ITGA11: variants seen among roughly 807,000 people sequenced by gnomAD.
ITGA11 encodes the protein integrin alpha-11.
A neutral mutation model predicts 141.9 loss-of-function variants in ITGA11; 97 were observed. That is an observed-to-expected ratio of 0.68 (90% CI 0.58 to 0.81). The LOEUF (loss-of-function observed/expected upper bound fraction) is 0.81. Ranked by LOEUF, ITGA11 falls within the 30% of genes least tolerant of loss-of-function variation. The pLI is 0.00. For missense variants in ITGA11, 1,387 were observed against 1,559.2 expected (o/e 0.89, Z 1.86); for synonymous variants, 658 against 624.6 (o/e 1.05, Z -0.80).
Position 68,328,353 on chromosome 15 carries a change from G to A in ITGA11, c.1902-91C>T. 1 of 1,229,188 alleles carries A rather than the reference G, an allele frequency of 8.1e-7. No homozygotes were observed. The highest frequency in any genetic ancestry group is 1.1e-6 in the Non-Finnish European group (1 of 870,510). 76.1% of individuals were successfully genotyped at this position (1,229,188 alleles called of 1,614,324 possible). On this transcript the variant is annotated intron_variant, in intron 15 of 29. Coordinates refer to ENST00000315757, the MANE Select transcript of ITGA11 (RefSeq NM_001004439.2). The surrounding 1 kb of genome is among the most constrained non-coding windows in gnomAD (Gnocchi z 4.8). ...GGAAAGACAAGAACCAGATGCGAGT[G>A]GGATCTGCAAAGCCACTGGAGGGGG...
intron 2 of ITGA11, among the ~76,000 whole-genome samples, chr15:68,377,857 G>A (rs1170244334): frequency 6.6e-6 from 1 of 152,194 alleles, no homozygotes; most frequent in African/African-American, 2.4e-5. Context: ...CCTATGGGGT[G>A]AGGAGTCCTA....
At chr15:68,377,782 T>C (rs746091153) in intron 2 of ITGA11, among the ~76,000 whole-genome samples, 3 of 152,236 alleles carry the variant, frequency 2.0e-5, no homozygotes, top group South Asian at 2.1e-4. Context: ...AATGCCCCCG[T>C]TGGACTGTGT....
At chr15:68,394,753 T>C (rs1038633335) in intron 2 of ITGA11, among the ~76,000 whole-genome samples, 1 of 152,046 alleles carries the variant, frequency 6.6e-6, no homozygotes, top group African/African-American at 2.4e-5. Context: ...AGAGGATATA[T>C]AGATCTTATA....
chr15:68,368,501 G>C (rs1314751708), intron 3 of ITGA11, among the ~76,000 whole-genome samples: 1 of 152,232 alleles, frequency 6.6e-6, no homozygotes, highest in Non-Finnish European at 1.5e-5. Flanking sequence ...GATTTTAGGA[G>C]GGCTTCGGAG....
At chr15:68,352,771 C>G (rs1023080629) in intron 7 of ITGA11, among the ~76,000 whole-genome samples, 3 of 152,324 alleles carry the variant, frequency 2.0e-5, no homozygotes, top group Admixed American at 2.0e-4. Context: ...ACCTATCAGG[C>G]AATCCAGCCC....
chr15:68,313,005 T>A (rs1595852525), intron 23 of ITGA11, 142 bp from the exon 24 acceptor site: 1 of 620,332 alleles, frequency 1.6e-6, no homozygotes, highest in Non-Finnish European at 2.9e-6. Flanking sequence ...TGGGAGTGAG[T>A]GTCATGTTGG....
chr15:68,348,991 G>GACGATGCCCCCAGGAA, intron 9 of ITGA11, 91 bp from the exon 10 acceptor site: 2 of 1,147,458 alleles, frequency 1.7e-6, no homozygotes, highest in Non-Finnish European at 2.5e-6. Context: ...CCTGCTTCCT[G>GACGATGCCCCCAGGAA]GGGGCATCGT....
At chr15:68,320,460 AGGGTTGGGG>A in intron 19 of ITGA11, 68 bp from the exon 20 acceptor site, 1 of 1,395,958 alleles carries the variant, frequency 7.2e-7, no homozygotes, top group Admixed American at 2.0e-5. Context: ...GAGGAGCCCC[AGGGTTGGGG>A]CAAAAAGGTG....
At chr15:68,367,255 G>T (rs1895451477) in intron 3 of ITGA11, among the ~76,000 whole-genome samples, 1 of 152,066 alleles carries the variant, frequency 6.6e-6, no homozygotes, top group Non-Finnish European at 1.5e-5. Context: ...AAAAAGATTG[G>T]TTCACGAATC....
chr15:68,399,939 C>A, intron 2 of ITGA11, among the ~76,000 whole-genome samples: 1 of 151,982 alleles, frequency 6.6e-6, no homozygotes, highest in South Asian at 2.1e-4. Context: ...ACATGTACTC[C>A]CTGAATCTAA....
Position 68,412,109 on chromosome 15 carries a change from G to A in ITGA11, c.53-9080C>T, listed in dbSNP as rs528714131. Among the ~76,000 whole-genome samples, 4 of 152,200 alleles carry A rather than the reference G, an allele frequency of 2.6e-5. No individual in the cohort carries two copies. In the East Asian group the frequency reaches 7.7e-4, roughly 29 times the overall value. ...TATTGTGTGCCACTGAGATTTGGGG[G>A]GATTATTGGTTACAGGACATTATTA... On this transcript the variant is annotated intron_variant, in intron 1 of 29. Transcript: ENST00000315757.
At chr15:68,373,837 G>A (rs1895657952) in intron 2 of ITGA11, among the ~76,000 whole-genome samples, 1 of 152,158 alleles carries the variant, frequency 6.6e-6, no homozygotes. Context: ...CATTGACAGT[G>A]GGAGAGCTGA....
intron 4 of ITGA11, among the ~76,000 whole-genome samples, chr15:68,362,638 T>C (rs1180634962): frequency 6.6e-6 from 1 of 151,968 alleles, no homozygotes; most frequent in Non-Finnish European, 1.5e-5. Flanking sequence ...GAATGATGTA[T>C]AGATGGATGA....
chr15:68,427,309 GAC>G (rs1897166107), intron 1 of ITGA11, among the ~76,000 whole-genome samples: 1 of 152,180 alleles, frequency 6.6e-6, no homozygotes, highest in Non-Finnish European at 1.5e-5. Context: ...CTCAGCACTT[GAC>G]ACAAATGAAT....
chr15:68,345,045 G>C (rs1029630853), intron 10 of ITGA11, among the ~76,000 whole-genome samples: 3 of 151,942 alleles, frequency 2.0e-5, no homozygotes, highest in Non-Finnish European at 4.4e-5. Flanking sequence ...CAGAGTCTTA[G>C]AGTCTAGTCC....
At chr15:68,334,019 C>T (rs1894265435) in intron 12 of ITGA11, among the ~76,000 whole-genome samples, 2 of 152,226 alleles carry the variant, frequency 1.3e-5, no homozygotes, top group African/African-American at 4.8e-5. Flanking sequence ...TGTGTCACTT[C>T]CTGTTAGAAG....
rs765188897 is a variant in ITGA11 at position 68,351,220 on chromosome 15, A to G, written c.894+38T>C. ...CAGGGATTTGATGGTAAAGCCTCTC[A>G]GAGGCCATCAGCAGCCCTTGGGCGG... On this transcript the variant is annotated intron_variant, in intron 8 of 29. Coordinates refer to ENST00000315757, the MANE Select transcript of ITGA11 (RefSeq NM_001004439.2). The G allele has an allele frequency of 1.9e-6, 3 of 1,610,564 alleles. No homozygotes were observed. In the South Asian group the frequency reaches 3.3e-5, roughly 18 times the overall value.
At chr15:68,319,493 G>A (rs186480465) in intron 20 of ITGA11, among the ~76,000 whole-genome samples, 8 of 152,374 alleles carry the variant, frequency 5.3e-5, no homozygotes, top group African/African-American at 1.4e-4. Flanking sequence ...AAGGTGGCCC[G>A]TGGCACAGTT....
Position 68,326,831 on chromosome 15 carries a change from G to C in ITGA11, c.2069-35C>G. ...GGGAGAGGGCAAGACCACAAAGGTG[G>C]AGCCACATGCCCATCCAAGACTGTC... On this transcript the variant is annotated intron_variant, in intron 16 of 29. Transcript: ENST00000315757. This position sits in a 1 kb window ranked among gnomAD's most constrained non-coding sequence, Gnocchi z 6.8. The C allele has an allele frequency of 6.4e-7, 1 of 1,556,544 alleles. No homozygotes were observed. Among genetic ancestry groups the C allele is most frequent in the South Asian group, 1.2e-5 (1 of 83,462 alleles).
Sources: allele counts gnomAD v4.1 joint callset (sites outside exome capture counted in the v4.1 genomes callset), GRCh38; gene constraint gnomAD v4.1.1; non-coding constraint Gnocchi (gnomAD v3.1); transcripts MANE v1.5; gene names NCBI Gene and HGNC (gene_info 2026-07-23, HGNC 2026-07-21).